The following FMN2 variants were observed in gnomAD, a reference collection of about 807,000 sequenced individuals.
The protein encoded by FMN2 is formin-2.
A neutral mutation model predicts 142.3 loss-of-function variants in FMN2; 51 were observed. That is an observed-to-expected ratio of 0.36 (90% CI 0.29 to 0.45). The LOEUF is 0.45. FMN2 is among the 20% of genes least tolerant of loss of function. The probability of loss-of-function intolerance (pLI) is 1.00; values close to 1 mark genes in which losing one functional copy is unlikely to be tolerated. For missense variants in FMN2, 1,936 were observed against 2,122.8 expected (o/e 0.91, Z 1.73); for synonymous variants, 882 against 869.8 (o/e 1.01, Z -0.25).
chr1:240,261,458 C>G lies in FMN2; in HGVS notation c.4153+3426C>G, dbSNP rs562060293. ...AAAGTATATGTAATATTGTAATAAACAGCAAGAATCATTTTCTCTCCTTCT... is the reference window on the plus strand; with the variant it reads ...AAAGTATATGTAATATTGTAATAAAGAGCAAGAATCATTTTCTCTCCTTCT... On this transcript the variant is annotated intron_variant, in intron 7 of 17. Coordinates refer to ENST00000319653, the MANE Select transcript of FMN2 (RefSeq NM_020066.5). Among the ~76,000 whole-genome samples, 11 of 151,162 alleles carry G rather than the reference C, an allele frequency of 7.3e-5. No homozygotes were observed. In the East Asian group the frequency reaches 2.2e-3, roughly 30 times the overall value.
intron 7 of FMN2, among the ~76,000 whole-genome samples, chr1:240,262,414 T>C (rs1033150122): frequency 2.0e-5 from 3 of 152,206 alleles, no homozygotes; most frequent in African/African-American, 7.2e-5. Context: ...TAGTTGTTGT[T>C]AGTGGGGGGA....
chr1:240,239,836 A>G (rs879909354), intron 6 of FMN2, among the ~76,000 whole-genome samples: 2 of 151,756 alleles, frequency 1.3e-5, no homozygotes, highest in East Asian at 3.8e-4. Flanking sequence ...TCAGTGATTC[A>G]TTTGTTTTCT....
intron 14 of FMN2, among the ~76,000 whole-genome samples, chr1:240,381,197 A>G (rs1449383808): frequency 6.6e-6 from 1 of 152,188 alleles, no homozygotes; most frequent in East Asian, 1.9e-4. Flanking sequence ...TCAGGCTAGA[A>G]CACAACAACA....
chr1:240,136,240 G>A (rs1662934100), intron 2 of FMN2, among the ~76,000 whole-genome samples: 1 of 152,088 alleles, frequency 6.6e-6, no homozygotes, highest in African/African-American at 2.4e-5. Context: ...GGCAAAACGG[G>A]TGATGTTTTT....
At chr1:240,170,859 A>G in intron 2 of FMN2, 1 of 813,426 alleles carries the variant, frequency 1.2e-6, no homozygotes, top group Middle Eastern at 2.3e-4. Flanking sequence ...ATAAATTTCC[A>G]AGGGCTAAAG....
chr1:240,248,638 T>C (rs1394066349), intron 6 of FMN2, among the ~76,000 whole-genome samples: 3 of 151,898 alleles, frequency 2.0e-5, no homozygotes, highest in Non-Finnish European at 2.9e-5. Context: ...CTGGATCACA[T>C]GGTAGTTCTA....
intron 4 of FMN2, among the ~76,000 whole-genome samples, chr1:240,199,463 C>G (rs1002374388): frequency 6.6e-6 from 1 of 152,094 alleles, no homozygotes. Context: ...ACAGTTGTAA[C>G]CTTAATGTTA....
chr1:240,358,628 C>G (rs187505882), intron 14 of FMN2, among the ~76,000 whole-genome samples: 1 of 152,206 alleles, frequency 6.6e-6, no homozygotes, highest in Non-Finnish European at 1.5e-5. Flanking sequence ...AGGTGGCAGG[C>G]AGGAGAAGTG....
chr1:240,246,302 AAGT>A (rs1468028580), intron 6 of FMN2, among the ~76,000 whole-genome samples: 1 of 152,174 alleles, frequency 6.6e-6, no homozygotes. Context: ...CCCTGGATAA[AAGT>A]AGGATGTAGG....
rs1243748870 is a variant in FMN2, at chr1:240,473,973, A to G, written c.5143-155A>G. On this transcript the variant is annotated intron_variant, in intron 17 of 17. Transcript: ENST00000319653. The surrounding 1 kb of genome is among the most constrained non-coding windows in gnomAD (Gnocchi z 4.3). ...AGTGCTCAAAGATAACACAGATCCCACTTATACTTTTTTCCTTTATGGACT... is the reference window on the plus strand; with the variant it reads ...AGTGCTCAAAGATAACACAGATCCCGCTTATACTTTTTTCCTTTATGGACT... Among the ~76,000 whole-genome samples the G allele has an allele frequency of 6.6e-6, 1 of 151,992 alleles. No individual in the cohort carries two copies. The highest frequency in any genetic ancestry group is 1.5e-5 in the Non-Finnish European group (1 of 67,984).
intron 11 of FMN2, 104 bp downstream of exon 11, chr1:240,330,853 G>A (rs1234963898): frequency 5.2e-6 from 7 of 1,349,392 alleles, no homozygotes; most frequent in Non-Finnish European, 6.9e-6. Context: ...TATGTTCCTA[G>A]GTCAAATGCT....
At chr1:240,420,487 G>A (rs1427837450) in intron 15 of FMN2, among the ~76,000 whole-genome samples, 2 of 152,146 alleles carry the variant, frequency 1.3e-5, no homozygotes, top group African/African-American at 4.8e-5. Flanking sequence ...TCCCTAGCTG[G>A]GTCTTCCAGG....
Position 240,092,766 on chromosome 1 carries a change from A to ACAGCAGCAG in FMN2, c.668_676dup (p.Gln223_Gln225dup), listed in dbSNP as rs532298569. On this transcript the variant is annotated inframe_insertion, in exon 1 of 18. Coordinates refer to ENST00000319653, the MANE Select transcript of FMN2 (RefSeq NM_020066.5). ...AGCAGCTCCAGCTCCAGCTCCAGCA[A>ACAGCAGCAG]CAGCAGCAGCAGCAGCAGCTCCAGG... The ACAGCAGCAG allele has an allele frequency of 1.2e-6, 2 of 1,609,564 alleles. No individual in the cohort carries two copies. Among genetic ancestry groups the ACAGCAGCAG allele is most frequent in the African/African-American group, 2.7e-5 (2 of 74,808 alleles).
intron 2 of FMN2, among the ~76,000 whole-genome samples, chr1:240,167,229 G>A (rs776154901): frequency 4.6e-5 from 7 of 152,120 alleles, no homozygotes; most frequent in Non-Finnish European, 1.0e-4. Context: ...GTATCTCACT[G>A]GTAGTAATGT....
chr1:240,149,333 C>T (rs1248426864), intron 2 of FMN2, among the ~76,000 whole-genome samples: 6 of 152,142 alleles, frequency 3.9e-5, no homozygotes, highest in Non-Finnish European at 8.8e-5. Context: ...TTTTATCTGC[C>T]TTTATCACCA....
intron 2 of FMN2, chr1:240,143,092 G>C: frequency 1.3e-6 from 2 of 1,528,186 alleles, no homozygotes; most frequent in Non-Finnish European, 1.8e-6. Context: ...AAATGTGTCA[G>C]GCCCTGTGCC....
At chr1:240,148,311 GAC>G (rs1253737397) in intron 2 of FMN2, among the ~76,000 whole-genome samples, 1,686 of 43,410 alleles carry the variant, frequency 0.039, 25 homozygotes, top group Non-Finnish European at 0.037. Context: ...GAGAGAGAGA[GAC>G]AGACAGAAAC....
At chr1:240,319,119 T>A (rs1268746504) in intron 8 of FMN2, among the ~76,000 whole-genome samples, 1 of 152,026 alleles carries the variant, frequency 6.6e-6, no homozygotes, top group Non-Finnish European at 1.5e-5. Flanking sequence ...TGAGGTATAG[T>A]GGATGAAGAC....
chr1:240,408,261 A>C (rs1393091881), intron 15 of FMN2, among the ~76,000 whole-genome samples: 1 of 152,196 alleles, frequency 6.6e-6, no homozygotes, highest in Non-Finnish European at 1.5e-5. Flanking sequence ...CATAGTTTTC[A>C]AAATTGGTCT....
Sources: gnomAD v4.1 joint callset for allele counts (sites outside exome capture counted in the v4.1 genomes callset) on GRCh38, gnomAD v4.1.1 for gene constraint, Gnocchi (gnomAD v3.1) non-coding constraint, MANE v1.5 for transcripts, NCBI Gene and HGNC (gene_info 2026-07-23, HGNC 2026-07-21) for gene names.